The following PRKN variants were observed in gnomAD, a reference collection of about 807,000 sequenced individuals.
The protein encoded by PRKN is parkin RBR E3 ubiquitin protein ligase.
PRKN carries 56 observed loss-of-function variants against 59.5 expected under a neutral mutation model. The observed-to-expected ratio is 0.94, with a 90% CI of 0.76 to 1.18. PRKN has a LOEUF of 1.18. Ranked by LOEUF, PRKN falls within the 50% of genes most tolerant of loss-of-function variation. The pLI is 0.00. For missense variants in PRKN, 657 were observed against 596.4 expected (o/e 1.10, Z -1.06); for synonymous variants, 250 against 222.1 (o/e 1.13, Z -1.12).
At chr6:162,484,582 G>A (rs112625416) in intron 1 of PRKN, among the ~76,000 whole-genome samples, 239 of 152,276 alleles carry the variant, frequency 1.6e-3, no homozygotes, top group African/African-American at 5.5e-3. Flanking sequence ...TTCTGTTTGG[G>A]ACACATTAAC....
chr6:162,215,006 C>G (rs553597317), intron 3 of PRKN, among the ~76,000 whole-genome samples: 3 of 152,064 alleles, frequency 2.0e-5, no homozygotes, highest in African/African-American at 7.2e-5. Flanking sequence ...TCTAGGAATC[C>G]TTATTTCATC....
At chr6:162,624,875 T>C (rs1293014717) in intron 1 of PRKN, among the ~76,000 whole-genome samples, 1 of 152,178 alleles carries the variant, frequency 6.6e-6, no homozygotes. Flanking sequence ...AGAGGACATC[T>C]GTGTAACTGA....
intron 1 of PRKN, among the ~76,000 whole-genome samples, chr6:162,472,217 TTA>T (rs962119461): frequency 6.3e-5 from 9 of 143,424 alleles, no homozygotes; most frequent in Non-Finnish European, 1.1e-4. Context: ...AACTTTTTTT[TTA>T]TATACTTTAA....
intron 7 of PRKN, among the ~76,000 whole-genome samples, chr6:161,646,603 G>A (rs564909960): frequency 2.0e-5 from 3 of 151,714 alleles, no homozygotes; most frequent in African/African-American, 4.8e-5. Flanking sequence ...GGCGGAGGAG[G>A]TGGTGTATCA....
chr6:162,719,908 A>C (rs1431372472), intron 1 of PRKN, among the ~76,000 whole-genome samples: 504 of 7,746 alleles, frequency 0.065, 6 homozygotes, highest in African/African-American at 0.21. Flanking sequence ...AAAAAAAAAA[A>C]AAAAAAAAAA....
At chr6:161,767,310 G>A (rs912565494) in intron 7 of PRKN, among the ~76,000 whole-genome samples, 9 of 152,114 alleles carry the variant, frequency 5.9e-5, no homozygotes, top group East Asian at 3.9e-4. Flanking sequence ...TCAGGAGATC[G>A]AGACCATCCT....
At chr6:161,375,408 G>A (rs1440582969) in intron 10 of PRKN, among the ~76,000 whole-genome samples, 1 of 152,182 alleles carries the variant, frequency 6.6e-6, no homozygotes, top group Non-Finnish European at 1.5e-5. Context: ...GTGTACCCAC[G>A]CAAGCATGCC....
intron 7 of PRKN, among the ~76,000 whole-genome samples, chr6:161,769,219 G>T (rs1206046910): frequency 6.6e-6 from 1 of 152,196 alleles, no homozygotes; most frequent in African/African-American, 2.4e-5. Context: ...GGTTTCCCGT[G>T]TGAGTCACGC....
At chr6:162,624,463 G>C (rs372320708) in intron 1 of PRKN, 3 of 152,158 alleles carry the variant, frequency 2.0e-5, no homozygotes, top group East Asian at 3.9e-4. Context: ...CTGCATGGGA[G>C]GTCTAAGACA....
At chr6:162,597,559 G>T (rs567364964) in intron 1 of PRKN, among the ~76,000 whole-genome samples, 1 of 152,122 alleles carries the variant, frequency 6.6e-6, no homozygotes, top group Non-Finnish European at 1.5e-5. Flanking sequence ...TATGAATTTT[G>T]CTTGTAATAC....
chr6:162,104,850 T>C (rs1780122571), intron 4 of PRKN, among the ~76,000 whole-genome samples: 1 of 152,178 alleles, frequency 6.6e-6, no homozygotes, highest in Admixed American at 6.5e-5. Context: ...ATAATTCTAA[T>C]AGGCATCCTT....
chr6:161,455,970 T>C (rs963618281), intron 9 of PRKN, among the ~76,000 whole-genome samples: 2 of 152,160 alleles, frequency 1.3e-5, no homozygotes, highest in Non-Finnish European at 2.9e-5. Flanking sequence ...ATTTCAAGGC[T>C]GGCCATGTGT....
At chr6:162,055,716 T>C (rs183454031) in intron 4 of PRKN, among the ~76,000 whole-genome samples, 1 of 152,170 alleles carries the variant, frequency 6.6e-6, no homozygotes, top group Admixed American at 6.5e-5. Context: ...TGTGGTGATT[T>C]TACTACCGAC....
intron 1 of PRKN, among the ~76,000 whole-genome samples, chr6:162,471,222 T>C (rs56149161): frequency 0.29 from 44,545 of 151,786 alleles, 6,753 homozygotes; most frequent in East Asian, 0.44. Context: ...CTCAGCCTCC[T>C]GAGTAGCTGG....
In PRKN at chr6:161,400,649, A is replaced by AT. The variant is rs148970372; in HGVS notation, c.1084-13773dup. 0.11 allele frequency among the ~76,000 whole-genome samples: 15,633 copies of AT among 148,050 alleles called. 847 individuals carry two copies. The highest frequency in any genetic ancestry group is 0.13 in the Non-Finnish European group (8,450 of 66,744). Reference sequence around the variant, plus strand: ...CGTATTCTAAGACAAAGAAATTCAGATTTTTTTTTTTTCGAATAAAGGATG... The same window carrying AT: ...CGTATTCTAAGACAAAGAAATTCAGATTTTTTTTTTTTTCGAATAAAGGATG... On this transcript the variant is annotated intron_variant, in intron 9 of 11. Transcript: ENST00000366898. This position sits in a 1 kb window ranked among gnomAD's most constrained non-coding sequence, Gnocchi z 4.2.
intron 2 of PRKN, among the ~76,000 whole-genome samples, chr6:162,424,226 C>A (rs1451845931): frequency 6.6e-6 from 1 of 152,150 alleles, no homozygotes; most frequent in African/African-American, 2.4e-5. Flanking sequence ...GTAAACAGAT[C>A]AGCGGTTGCT....
rs532978581 is a variant in PRKN at position 162,727,558 on chromosome 6, T to C, written c.7+104A>G. The C allele has an allele frequency of 2.1e-5, 27 of 1,269,716 alleles. No individual in the cohort carries two copies. In the South Asian group the frequency reaches 2.2e-4, roughly 10 times the overall value. 78.7% of individuals were successfully genotyped at this position (1,269,716 alleles called of 1,614,324 possible). A position where few individuals can be genotyped will look rare whatever the true frequency, so the allele number is the denominator to read the frequency against. On this transcript the variant is annotated intron_variant, in intron 1 of 11. Transcript: ENST00000366898. Reference sequence around the variant, plus strand: ...CGGCACGGGCACTTTGGCCCCGTCATTGACAGTTGGCACCGGGGGTCCTGG... The same window carrying C: ...CGGCACGGGCACTTTGGCCCCGTCACTGACAGTTGGCACCGGGGGTCCTGG...
intron 6 of PRKN, among the ~76,000 whole-genome samples, chr6:161,855,429 A>G (rs541668088): frequency 6.3e-4 from 96 of 152,338 alleles, no homozygotes; most frequent in African/African-American, 2.3e-3. Context: ...AACTATTAAA[A>G]TTGACTGAAT....
chr6:162,173,731 C>T (rs139934804), intron 4 of PRKN, among the ~76,000 whole-genome samples: 61 of 152,232 alleles, frequency 4.0e-4, no homozygotes, highest in African/African-American at 1.3e-3. Context: ...GGGGATGACT[C>T]CCAGAGTTCA....
Sources: allele counts gnomAD v4.1 joint callset (sites outside exome capture counted in the v4.1 genomes callset), GRCh38; gene constraint gnomAD v4.1.1; non-coding constraint Gnocchi (gnomAD v3.1); transcripts MANE v1.5; gene names NCBI Gene and HGNC (gene_info 2026-07-23, HGNC 2026-07-21).